The following RAB11FIP3 variants were observed in gnomAD, a reference collection of about 807,000 sequenced individuals.
RAB11FIP3 encodes rab11 family-interacting protein 3.
RAB11FIP3 carries 17 observed loss-of-function variants against 77.8 expected under a neutral mutation model. The observed-to-expected ratio is 0.22, with a 90% CI of 0.15 to 0.33. The LOEUF is 0.33. Among genes scored for constraint, RAB11FIP3 ranks in the 10% least tolerant of loss-of-function variants. The probability of loss-of-function intolerance (pLI) is 1.00; values close to 1 mark genes in which losing one functional copy is unlikely to be tolerated. For missense variants in RAB11FIP3, 1,005 were observed against 1,011.2 expected, an observed-to-expected ratio of 0.99 and a Z score of 0.08; for synonymous variants, 437 against 448.2, an observed-to-expected ratio of 0.98 and a Z score of 0.31.
intron 3 of RAB11FIP3, among the ~76,000 whole-genome samples, chr16:473,616 T>G (rs918000309): frequency 1.3e-5 from 2 of 152,148 alleles, no homozygotes; most frequent in Admixed American, 6.6e-5. Flanking sequence ...TTGTATTTTT[T>G]TTTTGTAGAG....
intron 1 of RAB11FIP3, among the ~76,000 whole-genome samples, chr16:442,207 C>T (rs2055239362): frequency 6.6e-6 from 1 of 152,178 alleles, no homozygotes; most frequent in African/African-American, 2.4e-5. Flanking sequence ...TGTTTATAGG[C>T]TCTGTCACAG....
intron 9 of RAB11FIP3, among the ~76,000 whole-genome samples, chr16:516,052 C>T (rs908155888): frequency 1.3e-5 from 2 of 152,210 alleles, no homozygotes; most frequent in African/African-American, 2.4e-5. Context: ...CCGGGCACCC[C>T]GTGGCCTCCC....
chr16:496,125 C>T (rs923517296), intron 5 of RAB11FIP3, among the ~76,000 whole-genome samples: 1 of 152,168 alleles, frequency 6.6e-6, no homozygotes. Flanking sequence ...TGAAGAGAGA[C>T]GTGGCTTTGT....
intron 9 of RAB11FIP3, among the ~76,000 whole-genome samples, chr16:516,801 TG>T (rs1242467945): frequency 6.6e-6 from 1 of 152,028 alleles, no homozygotes; most frequent in Non-Finnish European, 1.5e-5. Flanking sequence ...CACTTGAACC[TG>T]GGAGGCAGAG....
chr16:495,562 G>T (rs1301073300), intron 5 of RAB11FIP3, among the ~76,000 whole-genome samples: 1 of 152,228 alleles, frequency 6.6e-6, no homozygotes, highest in Non-Finnish European at 1.5e-5. Context: ...AGAGTGGTCA[G>T]AACCAGGAGG....
intron 5 of RAB11FIP3, among the ~76,000 whole-genome samples, chr16:491,960 C>T (rs1271469511): frequency 6.6e-6 from 1 of 152,182 alleles, no homozygotes; most frequent in Admixed American, 6.5e-5. Flanking sequence ...TCTGGGACGG[C>T]TTCCTGAAGA....
chr16:480,286 C>CAAAAAAAAAAAAAAAAAAAAAAA (rs56228402), intron 3 of RAB11FIP3, among the ~76,000 whole-genome samples: 2 of 80,018 alleles, frequency 2.5e-5, no homozygotes, highest in African/African-American at 9.6e-5. Context: ...ACTCCTTCTC[C>CAAAAAAAAAAAAAAAAAAAAAAA]AAAAAAAAAA....
intron 1 of RAB11FIP3, among the ~76,000 whole-genome samples, chr16:442,874 C>G (rs2055250559): frequency 6.6e-6 from 1 of 152,138 alleles, no homozygotes; most frequent in African/African-American, 2.4e-5. Flanking sequence ...CACTCTCACC[C>G]CTTATTTTTT....
intron 1 of RAB11FIP3, among the ~76,000 whole-genome samples, chr16:440,475 A>G (rs1181488785): frequency 2.0e-5 from 3 of 152,122 alleles, no homozygotes; most frequent in Non-Finnish European, 4.4e-5. Flanking sequence ...CCAAAGTCCA[A>G]GGGAGGCTCT....
At position 461,346 on chromosome 16, in the gene RAB11FIP3, G is replaced by C. The variant is rs1240882499; in HGVS notation, c.715-58G>C. Reference sequence around the variant, plus strand: ...AGATCTCTCCCAGTCCGAGGTCCAGGGTTGGGGACCCCTGCTGTAAAGGCT... The same window carrying C: ...AGATCTCTCCCAGTCCGAGGTCCAGCGTTGGGGACCCCTGCTGTAAAGGCT... On this transcript the variant is annotated intron_variant, in intron 1 of 13. Transcript: ENST00000262305. The surrounding 1 kb of genome is among the most constrained non-coding windows in gnomAD (Gnocchi z 4.5). The C allele has an allele frequency of 2.8e-6, 4 of 1,433,546 alleles. No individual in the cohort carries two copies. In the East Asian group the frequency reaches 9.6e-5, roughly 35 times the overall value. The allele number at this position is 1,433,546 out of a possible 1,614,324, so 88.8% of individuals were successfully genotyped here.
At chr16:478,790 A>G (rs2141713786) in intron 3 of RAB11FIP3, among the ~76,000 whole-genome samples, 1 of 151,820 alleles carries the variant, frequency 6.6e-6, no homozygotes, top group African/African-American at 2.4e-5. Flanking sequence ...ACATAGCAAA[A>G]CCTCGTCTCT....
intron 1 of RAB11FIP3, among the ~76,000 whole-genome samples, chr16:438,444 C>T (rs559530356): frequency 1.5e-5 from 2 of 132,092 alleles, no homozygotes; most frequent in South Asian, 4.8e-4. Context: ...CTTGTTCTGT[C>T]ACCCAGGCTG....
chr16:518,673 C>G (rs576733969), intron 9 of RAB11FIP3, among the ~76,000 whole-genome samples: 1 of 152,304 alleles, frequency 6.6e-6, no homozygotes, highest in South Asian at 2.1e-4. Context: ...TTGCAGTGAG[C>G]TGAGATCACA....
rs372675927 is a variant in RAB11FIP3 at position 519,746 on chromosome 16, C to T, written c.1723-8C>T. 4.0e-4 allele frequency: 638 copies of T among 1,611,726 alleles called. No individual in the cohort carries two copies. The highest frequency in any genetic ancestry group is 5.3e-4 in the Non-Finnish European group (620 of 1,179,290). ...ACCCGCATCCAGGGCAGGTGTCCAC[C>T]CCTGCAGGAGAAGCAGAAGCTGTTG... On this transcript the variant is annotated splice_region_variant and splice_polypyrimidine_tract_variant and intron_variant, in intron 10 of 13. Coordinates refer to ENST00000262305, the MANE Select transcript of RAB11FIP3 (RefSeq NM_014700.4).
intron 1 of RAB11FIP3, among the ~76,000 whole-genome samples, chr16:428,597 A>G (rs1190919829): frequency 2.0e-5 from 3 of 152,108 alleles, no homozygotes; most frequent in Non-Finnish European, 4.4e-5. Context: ...TCCCCACTTT[A>G]CAGGTAAGAA....
chr16:474,907 G>A, intron 3 of RAB11FIP3: 1 of 1,523,578 alleles, frequency 6.6e-7, no homozygotes, highest in Non-Finnish European at 8.8e-7. Flanking sequence ...GTGCCTCCAG[G>A]TGAGCGCACA....
chr16:501,052 C>T (rs538588132), intron 6 of RAB11FIP3, among the ~76,000 whole-genome samples: 3 of 152,228 alleles, frequency 2.0e-5, no homozygotes, highest in East Asian at 3.9e-4. Flanking sequence ...AGAAGGGCAC[C>T]GGTGTGTTCC....
rs957501179 is a variant in RAB11FIP3 at position 426,161 on chromosome 16, C to T, written c.155C>T (p.Ser52Phe). ...CCCGTCGGCGGCCCCGACCCGCAGT[C>T]CCCGGGCCTGGATGAGCCTGCGCCC... ...GAPVGGPDPQ[S>F]PGLDEPAPGA... The change falls in exon 1 of 14, where the codon TCC (serine) becomes TTC (phenylalanine). Residue 52 changes from serine to phenylalanine, a missense_variant. Physicochemically the swap from Ser to Phe is radical, Grantham distance 155. Around this residue, in one of 4 missense-constraint regions of RAB11FIP3, gnomAD observed 466 missense variants for 408.3 expected, o/e 1.14. Coordinates refer to ENST00000262305, the MANE Select transcript of RAB11FIP3 (RefSeq NM_014700.4). The surrounding 1 kb of genome is among the most constrained non-coding windows in gnomAD (Gnocchi z 5.0). 3.9e-6 allele frequency: 4 copies of T among 1,015,404 alleles called. No homozygotes were observed. The highest frequency in any genetic ancestry group is 9.4e-5 in the East Asian group (1 of 10,586). 62.9% of individuals were successfully genotyped at this position (1,015,404 alleles called of 1,614,324 possible). A position where few individuals can be genotyped will look rare whatever the true frequency, so the allele number is the denominator to read the frequency against.
At chr16:450,705 C>G (rs2141612265) in intron 1 of RAB11FIP3, among the ~76,000 whole-genome samples, 1 of 152,262 alleles carries the variant, frequency 6.6e-6, no homozygotes, top group Admixed American at 6.5e-5. Context: ...AGAGGGCATG[C>G]TGACCTTGAA....
Sources: allele counts gnomAD v4.1 joint callset (sites outside exome capture counted in the v4.1 genomes callset), GRCh38; gene constraint gnomAD v4.1.1; regional missense constraint gnomAD v4.1.1; non-coding constraint Gnocchi (gnomAD v3.1); transcripts MANE v1.5; gene names NCBI Gene and HGNC (gene_info 2026-07-23, HGNC 2026-07-21).